The following RASAL2 variants were observed in gnomAD, a reference collection of about 807,000 sequenced individuals.
The protein encoded by RASAL2 is RAS protein activator like 2.
A neutral mutation model predicts 128.9 loss-of-function variants in RASAL2; 58 were observed. The observed-to-expected ratio is 0.45, with a 90% CI of 0.36 to 0.56. RASAL2 has a LOEUF of 0.56. Among genes scored for constraint, RASAL2 ranks in the 20% least tolerant of loss-of-function variants. RASAL2 has a pLI of 0.00. For missense variants in RASAL2, 1,360 were observed against 1,601.6 expected (o/e 0.85, Z 2.57); for synonymous variants, 561 against 580.8 (o/e 0.97, Z 0.49).
chr1:178,219,931 G>A (rs951140183), intron 1 of RASAL2, among the ~76,000 whole-genome samples: 8 of 152,026 alleles, frequency 5.3e-5, no homozygotes, highest in African/African-American at 1.4e-4. Context: ...TAATAGGGGC[G>A]GGTGGATCCC....
chr1:178,102,381 C>T (rs923291569), intron 1 of RASAL2, among the ~76,000 whole-genome samples: 1 of 151,648 alleles, frequency 6.6e-6, no homozygotes, highest in African/African-American at 2.4e-5. Flanking sequence ...AGTGCAGTGG[C>T]GCAATCATAG....
At chr1:178,278,575 G>A (rs1666634803) in intron 1 of RASAL2, among the ~76,000 whole-genome samples, 1 of 152,086 alleles carries the variant, frequency 6.6e-6, no homozygotes, top group South Asian at 2.1e-4. Context: ...TGATTCAAAA[G>A]CAACTCAGAT....
At chr1:178,431,968 C>G (rs1675940272) in intron 5 of RASAL2, among the ~76,000 whole-genome samples, 1 of 149,716 alleles carries the variant, frequency 6.7e-6, no homozygotes, top group Non-Finnish European at 1.5e-5. Context: ...TATATGGGTA[C>G]CTTCGTATAA....
chr1:178,286,404 A>G (rs1045614800), intron 2 of RASAL2, among the ~76,000 whole-genome samples: 3 of 151,022 alleles, frequency 2.0e-5, no homozygotes, highest in Admixed American at 1.3e-4. Context: ...TGAGTCTCAC[A>G]TTATAGTTAT....
chr1:178,185,672 G>T (rs1662267227), intron 1 of RASAL2, among the ~76,000 whole-genome samples: 1 of 151,850 alleles, frequency 6.6e-6, no homozygotes, highest in Non-Finnish European at 1.5e-5. Context: ...TCTTTATCCT[G>T]TTTATATGGT....
At chr1:178,155,420 T>TA (rs1421110905) in intron 1 of RASAL2, among the ~76,000 whole-genome samples, 3 of 150,420 alleles carry the variant, frequency 2.0e-5, no homozygotes, top group South Asian at 2.1e-4. Flanking sequence ...TTTTTTTTTT[T>TA]ACCCCTGAAG....
At chr1:178,336,359 A>G (rs766837462) in intron 3 of RASAL2, among the ~76,000 whole-genome samples, 8 of 152,094 alleles carry the variant, frequency 5.3e-5, no homozygotes, top group Non-Finnish European at 8.8e-5. Context: ...TGGTAAGCCA[A>G]AGACTGATTG....
At position 178,094,453 on chromosome 1, in the gene RASAL2, C is replaced by T; in HGVS notation, c.-40C>T. ...GCGCGGAGCCGCGCGCCAGCCCGCC[C>T]CGAAGCCGCCGCCTCGTCCCCCTCC... is the stretch of plus-strand genomic sequence containing the variant. On this transcript the variant is annotated 5_prime_UTR_variant, in exon 1 of 18. Coordinates refer to ENST00000367649, the MANE Select transcript of RASAL2 (RefSeq NM_170692.4). 1 of 1,503,798 alleles carries T rather than the reference C, an allele frequency of 6.6e-7. No individual in the cohort carries two copies. The highest frequency in any genetic ancestry group is 2.1e-5 in the Admixed American group (1 of 47,316). 93.2% of individuals were successfully genotyped at this position (1,503,798 alleles called of 1,614,324 possible).
rs1304361300 is a variant in RASAL2 at position 178,355,898 on chromosome 1, C to T, written c.458-34202C>T. ...AAAACCACAACAATGGGGCCAGGCG[C>T]GGTGGCTCACGCCTGTAATCCCAGC... is the stretch of plus-strand genomic sequence containing the variant. On this transcript the variant is annotated intron_variant, in intron 3 of 17. Coordinates refer to ENST00000367649, the MANE Select transcript of RASAL2 (RefSeq NM_170692.4). Among the ~76,000 whole-genome samples the T allele has an allele frequency of 6.6e-5, 10 of 152,270 alleles. No individual in the cohort carries two copies. In the East Asian group the frequency reaches 1.7e-3, roughly 26 times the overall value.
intron 3 of RASAL2, among the ~76,000 whole-genome samples, chr1:178,386,341 T>C (rs1156909898): frequency 1.3e-5 from 2 of 152,226 alleles, no homozygotes; most frequent in Non-Finnish European, 2.9e-5. Flanking sequence ...TCTTTATCTC[T>C]GTTTGGTCTG....
chr1:178,301,310 G>C (rs1224121889), intron 3 of RASAL2, among the ~76,000 whole-genome samples: 1 of 152,102 alleles, frequency 6.6e-6, no homozygotes, highest in Non-Finnish European at 1.5e-5. Flanking sequence ...ACCTGTCTGG[G>C]TGTAACCATT....
intron 1 of RASAL2, among the ~76,000 whole-genome samples, chr1:178,100,622 CATA>C (rs1327926229): frequency 6.6e-6 from 1 of 151,806 alleles, no homozygotes; most frequent in Non-Finnish European, 1.5e-5. Flanking sequence ...ATTCACATGA[CATA>C]GTAGGCTTTA....
Position 178,401,147 on chromosome 1 carries a change from C to T in RASAL2, c.564+10941C>T, listed in dbSNP as rs180740751. ...GCACTGACCTTTTATTTTTCCTAAT[C>T]TGTTTATGAAAACTGATTTAATATA... On this transcript the variant is annotated intron_variant, in intron 4 of 17. Coordinates refer to ENST00000367649, the MANE Select transcript of RASAL2 (RefSeq NM_170692.4). Among the ~76,000 whole-genome samples the T allele has an allele frequency of 7.9e-4, 120 of 152,342 alleles. 1 individual carries two copies. Among genetic ancestry groups the T allele is most frequent in the Non-Finnish European group, 1.2e-3 (82 of 68,028 alleles).
intron 1 of RASAL2, among the ~76,000 whole-genome samples, chr1:178,177,747 C>T (rs895259669): frequency 6.6e-6 from 1 of 152,052 alleles, no homozygotes; most frequent in African/African-American, 2.4e-5. Context: ...AGTAAGGAGC[C>T]TAGGCAGTGT....
chr1:178,230,081 CT>C (rs973074900), intron 1 of RASAL2, among the ~76,000 whole-genome samples: 1 of 151,872 alleles, frequency 6.6e-6, no homozygotes, highest in Non-Finnish European at 1.5e-5. Flanking sequence ...TGTCTAGGGT[CT>C]TTTTTTGGCA....
At chr1:178,210,894 T>G (rs989164693) in intron 1 of RASAL2, among the ~76,000 whole-genome samples, 1 of 152,136 alleles carries the variant, frequency 6.6e-6, no homozygotes, top group Non-Finnish European at 1.5e-5. Context: ...GACTGGAGAT[T>G]TTTGATGAAC....
chr1:178,137,348 A>T (rs930933314), intron 1 of RASAL2, among the ~76,000 whole-genome samples: 7 of 152,278 alleles, frequency 4.6e-5, no homozygotes, highest in Admixed American at 4.6e-4. Context: ...TGCTCGCAGA[A>T]TTGAAGTTAT....
At chr1:178,180,676 C>CACACACACAT (rs1037411499) in intron 1 of RASAL2, among the ~76,000 whole-genome samples, 9 of 151,016 alleles carry the variant, frequency 6.0e-5, no homozygotes, top group African/African-American at 2.0e-4. Context: ...CACACACACA[C>CACACACACAT]ACACACACAC....
intron 4 of RASAL2, among the ~76,000 whole-genome samples, chr1:178,417,149 G>A (rs574727147): frequency 5.3e-5 from 8 of 151,826 alleles, no homozygotes; most frequent in East Asian, 3.9e-4. Context: ...TACGCCTTTC[G>A]TAGTTGTCCT....
Sources: gnomAD v4.1 joint callset for allele counts (sites outside exome capture counted in the v4.1 genomes callset) on GRCh38, gnomAD v4.1.1 for gene constraint, MANE v1.5 for transcripts, NCBI Gene and HGNC (gene_info 2026-07-23, HGNC 2026-07-21) for gene names.